ZNF346: variants seen among roughly 807,000 people sequenced by gnomAD.
ZNF346 encodes the protein zinc finger protein 346.
Under a neutral mutation model 33.7 loss-of-function variants are expected in ZNF346, and 23 were observed. The observed-to-expected ratio is 0.68, with a 90% CI of 0.49 to 0.97. The LOEUF (loss-of-function observed/expected upper bound fraction) is 0.97. Ranked by LOEUF, ZNF346 falls within the 50% of genes least tolerant of loss-of-function variation. The probability of loss-of-function intolerance (pLI) is 0.00; values close to 1 mark genes in which losing one functional copy is unlikely to be tolerated. For missense variants in ZNF346, 340 were observed against 371.1 expected, an observed-to-expected ratio of 0.92 and a Z score of 0.69; for synonymous variants, 134 against 142.4, an observed-to-expected ratio of 0.94 and a Z score of 0.42.
chr5:177,048,872 G>A (rs1009325354), intron 4 of ZNF346, among the ~76,000 whole-genome samples: 3 of 145,930 alleles, frequency 2.1e-5, no homozygotes, highest in Admixed American at 7.1e-5. Context: ...TGCAGCCTCC[G>A]CCCACCTGTT....
At position 177,065,390 on chromosome 5, in the gene ZNF346, C is replaced by T. The variant is rs921563047; in HGVS notation, c.*791C>T. 1 of 152,668 alleles carries T rather than the reference C, an allele frequency of 6.6e-6. No individual in the cohort carries two copies. Among genetic ancestry groups the T allele is most frequent in the Non-Finnish European group, 1.5e-5 (1 of 68,118 alleles). The allele number at this position is 152,668 out of a possible 1,614,324, so 9.5% of individuals were successfully genotyped here. ...ACCCTAGGTTACACGGGAAAGTGCC[C>T]CACATGCAAGTCTCCCTGAGGGTTC... On this transcript the variant is annotated 3_prime_UTR_variant, in exon 7 of 7. Transcript: ENST00000358149.
exon 9 of ZNF346, chr5:177,080,063 C>T (rs1294696949): frequency 6.6e-6 from 1 of 152,264 alleles, no homozygotes; most frequent in East Asian, 1.9e-4. Flanking sequence ...AGTTCCCCTC[C>T]ATCCACTTTG....
intron 1 of ZNF346, among the ~76,000 whole-genome samples, chr5:177,038,000 C>G (rs1778751886): frequency 6.6e-6 from 1 of 152,154 alleles, no homozygotes; most frequent in Admixed American, 6.5e-5. Context: ...CAAACTCATC[C>G]CTGCCTCACA....
At chr5:177,074,694 A>G (rs889556575) in intron 8 of ZNF346, among the ~76,000 whole-genome samples, 12 of 152,158 alleles carry the variant, frequency 7.9e-5, no homozygotes, top group Admixed American at 2.6e-4. Context: ...CTTGCAACTG[A>G]ATGAAAACGT....
intron 8 of ZNF346, among the ~76,000 whole-genome samples, chr5:177,075,542 A>T (rs1443654182): frequency 6.6e-6 from 1 of 152,166 alleles, no homozygotes; most frequent in Non-Finnish European, 1.5e-5. Flanking sequence ...GATTGACTCA[A>T]GGTCTTGCTG....
chr5:177,063,278 C>T (rs766533069), intron 6 of ZNF346, among the ~76,000 whole-genome samples: 1 of 152,064 alleles, frequency 6.6e-6, no homozygotes, highest in African/African-American at 2.4e-5. Context: ...GGCAAGCTGC[C>T]GAAATGATTG....
intron 6 of ZNF346, among the ~76,000 whole-genome samples, chr5:177,062,868 G>A (rs1782710573): frequency 1.3e-5 from 2 of 152,184 alleles, no homozygotes; most frequent in Admixed American, 1.3e-4. Flanking sequence ...AAGTGGTGAT[G>A]TGAATGAAGC....
At chr5:177,074,038 T>C (rs1019965495) in intron 8 of ZNF346, among the ~76,000 whole-genome samples, 2 of 152,012 alleles carry the variant, frequency 1.3e-5, no homozygotes, top group African/African-American at 2.4e-5. Flanking sequence ...GCCAGCTCCA[T>C]ACATGTGAGG....
At chr5:177,055,766 C>T (rs1370734780) in intron 5 of ZNF346, among the ~76,000 whole-genome samples, 2 of 151,924 alleles carry the variant, frequency 1.3e-5, no homozygotes, top group Admixed American at 6.6e-5. Flanking sequence ...GATGGCAAAA[C>T]CCCATCTCTA....
At chr5:177,032,969 C>T (rs758735320) in intron 1 of ZNF346, among the ~76,000 whole-genome samples, 58 of 152,272 alleles carry the variant, frequency 3.8e-4, no homozygotes, top group Middle Eastern at 3.4e-3. Flanking sequence ...TTAATAGGAC[C>T]GTCTTGTTCA....
intron 5 of ZNF346, among the ~76,000 whole-genome samples, chr5:177,056,445 C>G (rs1356129658): frequency 6.6e-6 from 1 of 152,152 alleles, no homozygotes; most frequent in African/African-American, 2.4e-5. Context: ...GATTATAAAT[C>G]ATACAGCTAT....
In ZNF346 at chr5:177,022,925, G is replaced by T. The variant is rs1046844320; in HGVS notation, c.175+12G>T. Reference sequence around the variant, plus strand: ...GGGTAGAGAGGAAGGTGAGTCGGGGGCTTTGGAGGCAGAAAGCCCCTCGCC... The same window carrying T: ...GGGTAGAGAGGAAGGTGAGTCGGGGTCTTTGGAGGCAGAAAGCCCCTCGCC... On this transcript the variant is annotated intron_variant, in intron 1 of 6. Transcript: ENST00000358149. 6.9e-7 allele frequency: 1 copy of T among 1,458,006 alleles called. No homozygotes were observed. The highest frequency in any genetic ancestry group is 2.7e-5 in the Admixed American group (1 of 36,602). The allele number at this position is 1,458,006 out of a possible 1,614,324, so 90.3% of individuals were successfully genotyped here.
chr5:177,053,866 G>C (rs1170340242), intron 5 of ZNF346, among the ~76,000 whole-genome samples: 1 of 152,104 alleles, frequency 6.6e-6, no homozygotes, highest in Non-Finnish European at 1.5e-5. Flanking sequence ...TATCTGAAAT[G>C]GTGGATAATA....
chr5:177,072,600 A>G (rs911759712), downstream of ZNF346, among the ~76,000 whole-genome samples: 3 of 152,180 alleles, frequency 2.0e-5, no homozygotes, highest in Non-Finnish European at 4.4e-5. Flanking sequence ...CTGTAACCCC[A>G]GTACTTTGGG....
At chr5:177,028,520 A>ATATATG (rs1213851749) in intron 1 of ZNF346, among the ~76,000 whole-genome samples, 14 of 137,758 alleles carry the variant, frequency 1.0e-4, no homozygotes, top group Admixed American at 4.4e-4. Context: ...ATATATATAT[A>ATATATG]TTTCCCTCCA....
intron 1 of ZNF346, among the ~76,000 whole-genome samples, chr5:177,028,496 T>TTATATATATATATATATATA (rs150044807): frequency 0.019 from 1,735 of 90,182 alleles, 74 homozygotes; most frequent in African/African-American, 0.035. Context: ...TTGTGACGTT[T>TTATATATATATATATATATA]TATATATATA....
rs746371686 is a variant in ZNF346 at position 177,050,823 on chromosome 5, C to G, written c.590C>G (p.Pro197Arg). The G allele has an allele frequency of 6.2e-7, 1 of 1,614,208 alleles. No homozygotes were observed. The highest frequency in any genetic ancestry group is 8.5e-7 in the Non-Finnish European group (1 of 1,180,018). Reference sequence around the variant, plus strand: ...CTCTGCCATGCAACTTTCAACGACCCTGTCATGGCTCAACAACATTATGTG... The same window carrying G: ...CTCTGCCATGCAACTTTCAACGACCGTGTCATGGCTCAACAACATTATGTG... Reference protein sequence around the residue: ...CSLCHATFNDPVMAQQHYVGK... With the variant: ...CSLCHATFNDRVMAQQHYVGK... The change falls in exon 5 of 7, where the codon CCT (proline) becomes CGT (arginine). Residue 197 changes from proline (P) to arginine (R), a missense_variant. Physicochemically the swap from Pro to Arg is moderately radical, Grantham distance 103. Coordinates refer to ENST00000358149, the MANE Select transcript of ZNF346 (RefSeq NM_012279.4).
At chr5:177,037,169 G>A (rs1401867456) in intron 1 of ZNF346, among the ~76,000 whole-genome samples, 1 of 152,062 alleles carries the variant, frequency 6.6e-6, no homozygotes, top group Non-Finnish European at 1.5e-5. Flanking sequence ...CTCTGCCTTG[G>A]CCAGAAGTTC....
At chr5:177,039,808 T>G (rs1311490715) in intron 1 of ZNF346, among the ~76,000 whole-genome samples, 1 of 152,074 alleles carries the variant, frequency 6.6e-6, no homozygotes, top group East Asian at 1.9e-4. Context: ...ACCAGGAGAT[T>G]AAAAATGTGG....
Sources: gnomAD v4.1 joint callset for allele counts (sites outside exome capture counted in the v4.1 genomes callset) on GRCh38, gnomAD v4.1.1 for gene constraint, MANE v1.5 for transcripts, NCBI Gene and HGNC (gene_info 2026-07-23, HGNC 2026-07-21) for gene names.